The following ATG2B variants were observed in gnomAD, a reference collection of about 807,000 sequenced individuals.
ATG2B encodes the protein autophagy related 2B.
ATG2B carries 121 observed loss-of-function variants against 241.3 expected under a neutral mutation model. The ratio of observed to expected loss-of-function variants is 0.50; its 90% CI spans 0.43 to 0.58. ATG2B has a LOEUF of 0.58. Ranked by LOEUF, ATG2B falls within the 20% of genes least tolerant of loss-of-function variation. The probability of loss-of-function intolerance (pLI) is 0.00; values close to 1 mark genes in which losing one functional copy is unlikely to be tolerated. For synonymous variants in ATG2B, 858 were observed against 876.6 expected (o/e 0.98, Z 0.37); for missense variants, 2,306 against 2,491.6 (o/e 0.93, Z 1.59).
chr14:96,357,477 GC>G (rs1388084970), intron 1 of ATG2B, among the ~76,000 whole-genome samples: 1 of 151,864 alleles, frequency 6.6e-6, no homozygotes, highest in African/African-American at 2.4e-5. Context: ...TGGATCTAAA[GC>G]CCCCACATTC....
chr14:96,342,194 A>G (rs1230879002), intron 5 of ATG2B, among the ~76,000 whole-genome samples: 1 of 136,142 alleles, frequency 7.3e-6, no homozygotes, highest in Non-Finnish European at 1.5e-5. Context: ...TTTGATTGTA[A>G]AAAAAAAAAA....
rs906823360 is a variant in ATG2B, at chr14:96,305,742, A to T, written c.4580T>A (p.Leu1527Gln). The change falls in exon 31 of 42, where the codon CTG becomes CAG. Residue 1527 changes from leucine to glutamine, a missense_variant. Physicochemically the swap from Leu to Gln is moderately radical, Grantham distance 113. Coordinates refer to ENST00000359933, the MANE Select transcript of ATG2B (RefSeq NM_018036.7). ...GCTCGTATCGGTCTTATTAACGGGC[A>T]GACTGAAATAATTGTCTCTTATCAC... is the stretch of plus-strand genomic sequence containing the variant. ...AIVIRDNYFS[L>Q]PVNKTDTSKA... 2.5e-6 allele frequency: 4 copies of T among 1,614,208 alleles called. No homozygotes were observed. The highest frequency in any genetic ancestry group is 3.4e-6 in the Non-Finnish European group (4 of 1,180,036).
intron 6 of ATG2B, among the ~76,000 whole-genome samples, chr14:96,336,465 A>G (rs1887870652): frequency 6.6e-6 from 1 of 152,244 alleles, no homozygotes; most frequent in African/African-American, 2.4e-5. Context: ...GCTGGCACAC[A>G]ATGCCACTAC....
At chr14:96,317,388 A>T (rs192428010) in intron 19 of ATG2B, 71 bp from the exon 20 acceptor site, 14 of 1,321,966 alleles carry the variant, frequency 1.1e-5, no homozygotes, top group Admixed American at 2.2e-5. Flanking sequence ...GATCATGAAA[A>T]TATTTTATAT....
At position 96,362,978 on chromosome 14, in the gene ATG2B, G is replaced by C; in HGVS notation, c.-2C>G. Reference sequence around the variant, plus strand: ...GGACTCCGAAAACGGCCAAGGCATAGTGACTGCTGGCAGCTGGGCTGACTG... The same window carrying C: ...GGACTCCGAAAACGGCCAAGGCATACTGACTGCTGGCAGCTGGGCTGACTG... On this transcript the variant is annotated 5_prime_UTR_variant, in exon 1 of 42. Transcript: ENST00000359933. The C allele has an allele frequency of 6.2e-7, 1 of 1,613,318 alleles. No individual in the cohort carries two copies. Among genetic ancestry groups the C allele is most frequent in the Non-Finnish European group, 8.5e-7 (1 of 1,179,884 alleles).
intron 16 of ATG2B, 138 bp downstream of exon 16, chr14:96,323,758 A>G: frequency 1.5e-6 from 1 of 680,322 alleles, no homozygotes; most frequent in Admixed American, 2.6e-5. Flanking sequence ...GTGAACACCC[A>G]ATCATCACGC....
intron 31 of ATG2B, among the ~76,000 whole-genome samples, 186 bp from the exon 32 acceptor site, chr14:96,304,789 G>A (rs376404092): frequency 1.6e-4 from 24 of 151,984 alleles, no homozygotes; most frequent in Admixed American, 6.6e-4. Context: ...TGAAACACGC[G>A]TTTCATTATT....
intron 36 of ATG2B, chr14:96,292,969 C>A (rs575400796): frequency 4.6e-5 from 7 of 152,254 alleles, no homozygotes; most frequent in African/African-American, 1.7e-4. Flanking sequence ...AAATGCTGTG[C>A]AAATCATTTT....
intron 1 of ATG2B, among the ~76,000 whole-genome samples, chr14:96,357,825 TTA>T (rs1406246117): frequency 6.6e-6 from 1 of 152,246 alleles, no homozygotes; most frequent in Non-Finnish European, 1.5e-5. Context: ...TACCATATTG[TTA>T]TCTCTGGAAG....
chr14:96,322,576 A>C lies in ATG2B; in HGVS notation c.2700T>G (p.Pro900=). The C allele has an allele frequency of 6.2e-7, 1 of 1,612,734 alleles. No individual in the cohort carries two copies. Among genetic ancestry groups the C allele is most frequent in the Non-Finnish European group, 8.5e-7 (1 of 1,179,666 alleles). ...CAAACATTACTCTACGAGAAGAAAA[A>C]GGAGATGGGGCTGGTCTTCTTAGAT... The part of the protein sequence containing the change: ...VCDLRRPAPS[P]FSSRRVMFEN... The change falls in exon 17 of 42, where the codon CCT becomes CCG. Residue 900 remains proline, a synonymous_variant. Coordinates refer to ENST00000359933, the MANE Select transcript of ATG2B (RefSeq NM_018036.7).
chr14:96,316,411 T>C, intron 21 of ATG2B, 122 bp downstream of exon 21: 1 of 963,172 alleles, frequency 1.0e-6, no homozygotes, highest in Non-Finnish European at 1.5e-6. Context: ...GACAGCAGAA[T>C]GAGAGCCCTC....
chr14:96,316,149 T>C (rs1177791628), intron 21 of ATG2B, among the ~76,000 whole-genome samples: 2 of 151,940 alleles, frequency 1.3e-5, no homozygotes, highest in Non-Finnish European at 2.9e-5. Context: ...AGAAACAGAG[T>C]GTAGGTTAGT....
At chr14:96,316,351 A>G (rs1887312999) in intron 21 of ATG2B, among the ~76,000 whole-genome samples, 182 bp downstream of exon 21, 1 of 152,240 alleles carries the variant, frequency 6.6e-6, no homozygotes, top group Admixed American at 6.5e-5. Flanking sequence ...CAACAAAGCT[A>G]TTGCAAAAAA....
At position 96,343,268 on chromosome 14, in the gene ATG2B, C is replaced by T; in HGVS notation, c.595G>A (p.Asp199Asn). ...CCTGAGGATTCGTCAGCAGTTTCAT[C>T]ACAGTACACAGTTCTGAAATTTTTT... ...EIRIERTVYC[D>N]ETADESSGIN... Residue 199 changes from aspartate (D) to asparagine (N), a missense_variant, in exon 5 of 42, where the codon GAT becomes AAT. Asp to Asn is a conservative substitution (Grantham distance 23). This residue lies in a region of ATG2B where 1,927 missense variants were observed against 2,011.2 expected (regional missense o/e 0.96). Coordinates refer to ENST00000359933, the MANE Select transcript of ATG2B (RefSeq NM_018036.7). 1.3e-6 allele frequency: 2 copies of T among 1,581,394 alleles called. No individual in the cohort carries two copies. Among genetic ancestry groups the T allele is most frequent in the Non-Finnish European group, 1.7e-6 (2 of 1,166,990 alleles).
At position 96,306,770 on chromosome 14, in the gene ATG2B, C is replaced by A; in HGVS notation, c.4450G>T (p.Val1484Leu). ...HHFISDAMTGVPTENDDFCIL... is the reference protein window; with the variant it reads ...HHFISDAMTGLPTENDDFCIL... ...CAAAAGTCATCATTCTCAGTGGGCA[C>A]ACCTGTCATTGCATCACTGATGAAA... Residue 1484 changes from valine to leucine, a missense_variant, in exon 30 of 42, where the codon GTG (valine) becomes TTG (leucine). Physicochemically the swap from Val to Leu is conservative, Grantham distance 32. This residue lies in a region of ATG2B where 1,927 missense variants were observed against 2,011.2 expected (regional missense o/e 0.96). Coordinates refer to ENST00000359933, the MANE Select transcript of ATG2B (RefSeq NM_018036.7). 1 of 1,614,040 alleles carries A rather than the reference C, an allele frequency of 6.2e-7. No homozygotes were observed. Among genetic ancestry groups the A allele is most frequent in the Non-Finnish European group, 8.5e-7 (1 of 1,180,014 alleles).
Position 96,315,598 on chromosome 14 carries a change from T to G in ATG2B, c.3362-15A>C. ...ATTCACTATGCCTAGAGATCCACAT[T>G]GAGGTAAAAATAGTAACAAAATGAT... On this transcript the variant is annotated splice_polypyrimidine_tract_variant and intron_variant, in intron 21 of 41. Coordinates refer to ENST00000359933, the MANE Select transcript of ATG2B (RefSeq NM_018036.7). 1 of 1,598,432 alleles carries G rather than the reference T, an allele frequency of 6.3e-7. No individual in the cohort carries two copies. Among genetic ancestry groups the G allele is most frequent in the Non-Finnish European group, 8.6e-7 (1 of 1,167,990 alleles).
chr14:96,304,313 C>T (rs1288355285), intron 32 of ATG2B, among the ~76,000 whole-genome samples, 182 bp downstream of exon 32: 1 of 152,202 alleles, frequency 6.6e-6, no homozygotes, highest in African/African-American at 2.4e-5. Flanking sequence ...AAAAGAAAAA[C>T]ACCTCAGTCT....
At chr14:96,288,089 C>T (rs982041135) in intron 41 of ATG2B, among the ~76,000 whole-genome samples, 1 of 152,108 alleles carries the variant, frequency 6.6e-6, no homozygotes, top group Non-Finnish European at 1.5e-5. Flanking sequence ...TCCACACTTA[C>T]TAATCTCACC....
intron 1 of ATG2B, among the ~76,000 whole-genome samples, 163 bp downstream of exon 1, chr14:96,362,652 A>T (rs565680822): frequency 6.6e-6 from 1 of 152,340 alleles, no homozygotes; most frequent in East Asian, 1.9e-4. Flanking sequence ...CTTGTTAGAA[A>T]CAGATTAAAC....
Sources: allele counts gnomAD v4.1 joint callset (sites outside exome capture counted in the v4.1 genomes callset), GRCh38; gene constraint gnomAD v4.1.1; regional missense constraint gnomAD v4.1.1; transcripts MANE v1.5; gene names NCBI Gene and HGNC (gene_info 2026-07-23, HGNC 2026-07-21).